The following ARAP3 variants were observed in gnomAD, a reference collection of about 807,000 sequenced individuals.
ARAP3 encodes the protein arf-GAP with Rho-GAP domain, ANK repeat and PH domain-containing protein 3.
Under a neutral mutation model 169.2 loss-of-function variants are expected in ARAP3, and 82 were observed. The ratio of observed to expected loss-of-function variants is 0.48; its 90% CI spans 0.41 to 0.58. The LOEUF is 0.58. Ranked by LOEUF, ARAP3 falls within the 20% of genes least tolerant of loss-of-function variation. The pLI is 0.00. For missense variants in ARAP3, 1,764 were observed against 2,018.0 expected, an observed-to-expected ratio of 0.87 and a Z score of 2.41; for synonymous variants, 791 against 800.3, an observed-to-expected ratio of 0.99 and a Z score of 0.20.
At chr5:141,666,133 T>C (rs755572636) in intron 17 of ARAP3, among the ~76,000 whole-genome samples, 3 of 152,054 alleles carry the variant, frequency 2.0e-5, no homozygotes, top group Non-Finnish European at 4.4e-5. Flanking sequence ...ATGTTTTAGA[T>C]GCATTACCCT....
In ARAP3 at chr5:141,673,674, C is replaced by A. The variant is rs1394022150; in HGVS notation, c.833G>T (p.Ser278Ile). The part of the protein sequence containing the change: ...TSDDLISPYA[S>I]FSFTADRLTP... ...GAGGCGGTCTGCCGTGAAGGAGAAG[C>A]TGGCATAGGGTGAAATGAGGTCATC... The change falls in exon 5 of 33, where the codon AGC becomes ATC. Residue 278 changes from serine to isoleucine, a missense_variant. Physicochemically the swap from Ser to Ile is moderately radical, Grantham distance 142 (BLOSUM62 -2). This residue lies in a region of ARAP3 where 630 missense variants were observed against 678.7 expected (regional missense o/e 0.93). Transcript: ENST00000239440. 3 of 1,614,098 alleles carry A rather than the reference C, an allele frequency of 1.9e-6. No homozygotes were observed.
chr5:141,660,230 C>T (rs1387925440), intron 21 of ARAP3, among the ~76,000 whole-genome samples: 1 of 152,172 alleles, frequency 6.6e-6, no homozygotes, highest in Non-Finnish European at 1.5e-5. Flanking sequence ...CGGTGGCTCA[C>T]GCTTGTAATC....
chr5:141,675,039 T>C (rs2099911971), intron 4 of ARAP3, among the ~76,000 whole-genome samples: 2 of 152,238 alleles, frequency 1.3e-5, no homozygotes, highest in East Asian at 1.9e-4. Context: ...GTGAGGCCCG[T>C]AGGCCACTCC....
At chr5:141,674,372 C>A (rs1406152227) in intron 4 of ARAP3, among the ~76,000 whole-genome samples, 1 of 152,136 alleles carries the variant, frequency 6.6e-6, no homozygotes, top group African/African-American at 2.4e-5. Flanking sequence ...ATCCTCCCAC[C>A]CTGAGTAGCT....
chr5:141,670,207 T>C (rs2099911231), intron 14 of ARAP3, 144 bp from the exon 15 acceptor site: 4 of 1,213,034 alleles, frequency 3.3e-6, no homozygotes, highest in Non-Finnish European at 3.4e-6. Flanking sequence ...TGAGGTGTTA[T>C]ACTCAGTCCT....
Position 141,672,160 on chromosome 5 carries a change from G to T in ARAP3, c.1527C>A (p.Ser509=), listed in dbSNP as rs1250180856. The change falls in exon 10 of 33, where the codon TCC becomes TCA. Residue 509 remains serine (S), a synonymous_variant. Coordinates refer to ENST00000239440, the MANE Select transcript of ARAP3 (RefSeq NM_022481.6). The surrounding 1 kb of genome is among the most constrained non-coding windows in gnomAD (Gnocchi z 4.9). The part of the protein sequence containing the change: ...RANRQCADCG[S]SRPDWAAVNL... ...TGACAGCAGCCCAATCTGGGCGGGA[G>T]GACCCACAGTCCGCACACTGCCGGT... is the stretch of plus-strand genomic sequence containing the variant. 2 of 1,614,184 alleles carry T rather than the reference G, an allele frequency of 1.2e-6. No individual in the cohort carries two copies. The highest frequency in any genetic ancestry group is 2.2e-5 in the South Asian group (2 of 91,084).
In ARAP3 at chr5:141,655,847, T is replaced by C. The variant is rs564183646; in HGVS notation, c.3972+22A>G. 4.4e-5 allele frequency: 71 copies of C among 1,614,074 alleles called. 1 individual carries two copies. In the South Asian group the frequency reaches 7.7e-4, roughly 17 times the overall value. On this transcript the variant is annotated intron_variant, in intron 30 of 32. Transcript: ENST00000239440. ...CCCAGGGGGACCACAGACCCAGCCCTCAGCCTTTTCTTTCCCCTCACCTGG... is the reference window on the plus strand; with the variant it reads ...CCCAGGGGGACCACAGACCCAGCCCCCAGCCTTTTCTTTCCCCTCACCTGG...
intron 4 of ARAP3, among the ~76,000 whole-genome samples, chr5:141,679,293 A>C (rs1290236854): frequency 6.6e-6 from 1 of 152,150 alleles, no homozygotes; most frequent in Non-Finnish European, 1.5e-5. Context: ...CGTCTCAAAA[A>C]GAAAGAAAGA....
Position 141,672,893 on chromosome 5 carries a change from A to T in ARAP3, c.1126T>A (p.Ser376Thr). 6.2e-7 allele frequency: 1 copy of T among 1,608,906 alleles called. No homozygotes were observed. Reference sequence around the variant, plus strand: ...AGGAGGCGCTGCTCCTTCAGACAGGACTGCAGCGTGGAGCACCACATGTCC... The same window carrying T: ...AGGAGGCGCTGCTCCTTCAGACAGGTCTGCAGCGTGGAGCACCACATGTCC... Reference protein sequence around the residue: ...QRDMWCSTLQSCLKEQRLLGH... With the variant: ...QRDMWCSTLQTCLKEQRLLGH... Residue 376 changes from serine to threonine, a missense_variant, in exon 8 of 33, where the codon TCC (serine) becomes ACC (threonine). Physicochemically the swap from Ser to Thr is moderately conservative, Grantham distance 58 (BLOSUM62 1). This residue lies in a region of ARAP3 where 630 missense variants were observed against 678.7 expected (regional missense o/e 0.93). Transcript: ENST00000239440. The surrounding 1 kb of genome is among the most constrained non-coding windows in gnomAD (Gnocchi z 4.9).
chr5:141,658,462 A>G lies in ARAP3; in HGVS notation c.3429T>C (p.Thr1143=). The G allele has an allele frequency of 6.2e-7, 1 of 1,614,168 alleles. No homozygotes were observed. The highest frequency in any genetic ancestry group is 8.5e-7 in the Non-Finnish European group (1 of 1,180,028). Reference sequence around the variant, plus strand: ...GTACCTGGTTAGTCAGCTCCTCAGCAGTCAGGGTTGGGGACACCTGGGGTC... The same window carrying G: ...GTACCTGGTTAGTCAGCTCCTCAGCGGTCAGGGTTGGGGACACCTGGGGTC... ...CVTLKVSPTL[T]AEELTNQVLE... is the part of the protein sequence containing the mutation. The change falls in exon 25 of 33, where the codon ACT becomes ACC. Residue 1143 remains threonine (T), a synonymous_variant. Coordinates refer to ENST00000239440, the MANE Select transcript of ARAP3 (RefSeq NM_022481.6).
intron 1 of ARAP3, among the ~76,000 whole-genome samples, chr5:141,681,436 T>C (rs556640728): frequency 6.6e-6 from 1 of 152,248 alleles, no homozygotes; most frequent in African/African-American, 2.4e-5. Context: ...TGGGCTCAGG[T>C]CTCTGTGCTC....
chr5:141,656,519 C>T lies in ARAP3; in HGVS notation c.3774G>A (p.Leu1258=). 1 of 1,611,978 alleles carries T rather than the reference C, an allele frequency of 6.2e-7. No homozygotes were observed. The highest frequency in any genetic ancestry group is 8.5e-7 in the Non-Finnish European group (1 of 1,179,056). The part of the protein sequence containing the change: ...FFLLRGRCLL[L]LKEKKSSKPE... ...AGGGCCTCACTTTCTTCTCCTTGAG[C>T]AGCAGCAGGCAGCGGCCACGCAGCA... Residue 1258 remains leucine (L), a synonymous_variant, in exon 27 of 33, where the codon CTG becomes CTA. Transcript: ENST00000239440.
At chr5:141,680,928 C>G in intron 1 of ARAP3, 1 of 170,914 alleles carries the variant, frequency 5.9e-6, no homozygotes, top group Non-Finnish European at 1.2e-5. Context: ...GGCCAATCAG[C>G]TCTGGAGTAA....
chr5:141,679,505 C>A, intron 4 of ARAP3, 40 bp downstream of exon 4: 2 of 1,594,474 alleles, frequency 1.3e-6, no homozygotes, highest in Non-Finnish European at 1.7e-6. Context: ...CACCGACTCA[C>A]CTGCTCCTCC....
At chr5:141,659,688 G>C in intron 22 of ARAP3, 91 bp downstream of exon 22, 2 of 1,531,268 alleles carry the variant, frequency 1.3e-6, no homozygotes, top group Non-Finnish European at 1.8e-6. Flanking sequence ...GCCTGGGCTG[G>C]GGGCTTGTTG....
At chr5:141,661,814 G>A in intron 20 of ARAP3, 25 bp from the exon 21 acceptor site, 2 of 1,611,470 alleles carry the variant, frequency 1.2e-6, no homozygotes, top group Non-Finnish European at 1.7e-6. Context: ...GAGGAGGGTT[G>A]GGGAGGACCC....
chr5:141,667,691 G>C (rs375015176), intron 16 of ARAP3, among the ~76,000 whole-genome samples: 12 of 148,144 alleles, frequency 8.1e-5, no homozygotes, highest in African/African-American at 3.0e-4. Flanking sequence ...GCCTCCCAAA[G>C]TGTTGGGATT....
In ARAP3 at chr5:141,673,393, C is replaced by T. The variant is rs377694082; in HGVS notation, c.972+8G>A. 1 of 1,613,742 alleles carries T rather than the reference C, an allele frequency of 6.2e-7. No homozygotes were observed. The highest frequency in any genetic ancestry group is 1.7e-5 in the Admixed American group (1 of 59,968). Reference sequence around the variant, plus strand: ...ATCTCCATATCGTCACATCTCCCAGCCCCCCACCTTGTCACTGCCAAAGTA... The same window carrying T: ...ATCTCCATATCGTCACATCTCCCAGTCCCCCACCTTGTCACTGCCAAAGTA... On this transcript the variant is annotated splice_region_variant and intron_variant, in intron 6 of 32. Transcript: ENST00000239440.
intron 17 of ARAP3, 80 bp from the exon 18 acceptor site, chr5:141,665,454 A>G: frequency 6.8e-7 from 1 of 1,459,962 alleles, no homozygotes; most frequent in Non-Finnish European, 9.6e-7. Flanking sequence ...CTTAACGTGC[A>G]TAGATGCCAG....
Sources: gnomAD v4.1 joint callset for allele counts (sites outside exome capture counted in the v4.1 genomes callset) on GRCh38, gnomAD v4.1.1 for gene constraint, gnomAD v4.1.1 regional missense constraint, Gnocchi (gnomAD v3.1) non-coding constraint, MANE v1.5 for transcripts, NCBI Gene and HGNC (gene_info 2026-07-23, HGNC 2026-07-21) for gene names.